Variants in KHDRBS2 observed in about 807,000 individuals in gnomAD.
KHDRBS2 encodes KH domain-containing, RNA-binding, signal transduction-associated protein 2.
A neutral mutation model predicts 44.3 loss-of-function variants in KHDRBS2; 26 were observed. The observed-to-expected ratio is 0.59, with a 90% CI of 0.43 to 0.81. The LOEUF (loss-of-function observed/expected upper bound fraction) is 0.81, where lower values mean the gene tolerates loss of function less well. Ranked by LOEUF, KHDRBS2 falls within the 40% of genes least tolerant of loss-of-function variation. The pLI is 0.00. For missense variants in KHDRBS2, 476 were observed against 433.1 expected (o/e 1.10, Z -0.88); for synonymous variants, 194 against 151.1 (o/e 1.28, Z -2.08).
At chr6:61,692,575 A>G (rs1311471388) in intron 8 of KHDRBS2, among the ~76,000 whole-genome samples, 1 of 152,138 alleles carries the variant, frequency 6.6e-6, no homozygotes, top group African/African-American at 2.4e-5. Context: ...TTATTATTTC[A>G]GTGATAAAAT....
chr6:62,146,367 G>T (rs1813932167), intron 2 of KHDRBS2, among the ~76,000 whole-genome samples: 1 of 151,020 alleles, frequency 6.6e-6, no homozygotes, highest in African/African-American at 2.4e-5. Flanking sequence ...CCTAAACAAA[G>T]AAAAATATTT....
chr6:61,854,221 C>T (rs1344897296), intron 6 of KHDRBS2, among the ~76,000 whole-genome samples: 1 of 151,930 alleles, frequency 6.6e-6, no homozygotes, highest in Non-Finnish European at 1.5e-5. Context: ...TTTTTTCTGT[C>T]TCTTTGTTTT....
At chr6:61,640,640 C>T in the KHDRBS2 span, among the ~76,000 whole-genome samples, 7 of 152,108 alleles carry the variant, frequency 4.6e-5, no homozygotes, top group Non-Finnish European at 1.0e-4. Flanking sequence ...TAGATAGTTG[C>T]TGACCCAAAA....
intron 3 of KHDRBS2, among the ~76,000 whole-genome samples, chr6:61,984,763 A>C (rs1442437939): frequency 6.6e-6 from 1 of 152,212 alleles, no homozygotes; most frequent in Admixed American, 6.5e-5. Context: ...TTCCTCTGTT[A>C]ATCTATTGTC....
the KHDRBS2 span, among the ~76,000 whole-genome samples, chr6:61,655,773 T>G: frequency 6.6e-6 from 1 of 152,084 alleles, no homozygotes; most frequent in African/African-American, 2.4e-5. Flanking sequence ...TTTTATTTGT[T>G]GAAGTAGTCC....
chr6:62,283,445 T>TTA lies in KHDRBS2; in HGVS notation c.91+2411_91+2412dup, dbSNP rs201791670. On this transcript the variant is annotated intron_variant, in intron 1 of 8. Transcript: ENST00000281156. Reference sequence around the variant, plus strand: ...ATCTCATTGGTTTATACTACTGCCTTTATATATATTAGCTTCCGGAAAATC... The same window carrying TTA: ...ATCTCATTGGTTTATACTACTGCCTTTATATATATATTAGCTTCCGGAAAATC... Among the ~76,000 whole-genome samples the TTA allele has an allele frequency of 3.8e-4, 58 of 152,214 alleles. 2 individuals are homozygous for TTA. The East Asian group carries it at 9.1e-3, about 24-fold the overall frequency.
chr6:61,597,967 C>A, the KHDRBS2 span, among the ~76,000 whole-genome samples: 1,326 of 146,886 alleles, frequency 9.0e-3, 35 homozygotes, highest in African/African-American at 0.032. Context: ...ACTTTTGACT[C>A]TTTTAAAACA....
At chr6:61,950,417 A>G (rs56188201) in intron 4 of KHDRBS2, among the ~76,000 whole-genome samples, 32,650 of 151,998 alleles carry the variant, frequency 0.21, 3,757 homozygotes, top group Admixed American at 0.31. Context: ...AAAAGTTAAC[A>G]TTCCAGATGT....
At chr6:61,781,925 A>T (rs1782993599) in intron 6 of KHDRBS2, among the ~76,000 whole-genome samples, 1 of 152,200 alleles carries the variant, frequency 6.6e-6, no homozygotes, top group South Asian at 2.1e-4. Context: ...AGCACCTATA[A>T]TGATGCTTCT....
chr6:62,104,770 A>T (rs1396497082), intron 2 of KHDRBS2, among the ~76,000 whole-genome samples: 2 of 152,108 alleles, frequency 1.3e-5, no homozygotes, highest in African/African-American at 4.8e-5. Context: ...TTATCACTTT[A>T]AAAATTCGTA....
chr6:61,604,960 G>T, the KHDRBS2 span, among the ~76,000 whole-genome samples: 2 of 152,052 alleles, frequency 1.3e-5, no homozygotes, highest in Non-Finnish European at 2.9e-5. Flanking sequence ...AGTTTCTCAG[G>T]CTCTTGGCAT....
At chr6:62,052,510 A>T (rs1313168542) in intron 2 of KHDRBS2, among the ~76,000 whole-genome samples, 1 of 151,248 alleles carries the variant, frequency 6.6e-6, no homozygotes, top group Non-Finnish European at 1.5e-5. Flanking sequence ...GATATGTAGG[A>T]TGAACAAGTC....
the KHDRBS2 span, among the ~76,000 whole-genome samples, chr6:61,565,964 T>C: frequency 1.3e-5 from 2 of 151,586 alleles, no homozygotes; most frequent in South Asian, 2.1e-4. Context: ...AATAAATCTG[T>C]GTCCATCAAC....
chr6:62,002,845 T>A (rs1440819471), intron 3 of KHDRBS2, among the ~76,000 whole-genome samples: 3 of 151,898 alleles, frequency 2.0e-5, no homozygotes, highest in Non-Finnish European at 2.9e-5. Flanking sequence ...TGTTATATCC[T>A]ACATGTTAAG....
chr6:61,940,834 C>A (rs113116103), intron 4 of KHDRBS2, among the ~76,000 whole-genome samples: 2,570 of 152,274 alleles, frequency 0.017, 44 homozygotes, highest in Middle Eastern at 0.031. Flanking sequence ...GAGGCTTAGG[C>A]ATGAGCAAAC....
At chr6:62,278,217 A>G (rs1381349936) in intron 1 of KHDRBS2, among the ~76,000 whole-genome samples, 1 of 152,234 alleles carries the variant, frequency 6.6e-6, no homozygotes, top group East Asian at 1.9e-4. Flanking sequence ...ATATAGCCAA[A>G]CCAAAAAGAA....
At chr6:62,079,796 A>G (rs1253556347) in intron 2 of KHDRBS2, among the ~76,000 whole-genome samples, 1 of 152,054 alleles carries the variant, frequency 6.6e-6, no homozygotes, top group Non-Finnish European at 1.5e-5. Context: ...GTTTCCACAT[A>G]ATTAAATCCA....
chr6:62,198,782 G>GA (rs974063816), intron 1 of KHDRBS2, among the ~76,000 whole-genome samples: 7 of 151,888 alleles, frequency 4.6e-5, no homozygotes, highest in Admixed American at 3.9e-4. Context: ...AGACACAACA[G>GA]AAAAAAGAGA....
chr6:61,694,472 G>A (rs1767690547), intron 8 of KHDRBS2, among the ~76,000 whole-genome samples: 1 of 152,136 alleles, frequency 6.6e-6, no homozygotes, highest in Non-Finnish European at 1.5e-5. Context: ...ATGAATTAAA[G>A]AAAGGCCCAG....
Sources: allele counts gnomAD v4.1 joint callset (sites outside exome capture counted in the v4.1 genomes callset), GRCh38; gene constraint gnomAD v4.1.1; transcripts MANE v1.5; gene names NCBI Gene and HGNC (gene_info 2026-07-23, HGNC 2026-07-21).